The following SH3GL3 variants were observed in gnomAD, a reference collection of about 807,000 sequenced individuals.
The protein encoded by SH3GL3 is endophilin-A3.
SH3GL3 carries 33 observed loss-of-function variants against 47.7 expected under a neutral mutation model. That is an observed-to-expected ratio of 0.69 (90% CI 0.52 to 0.92). SH3GL3 has a LOEUF of 0.92. Ranked by LOEUF, SH3GL3 falls within the 40% of genes least tolerant of loss-of-function variation. The probability of loss-of-function intolerance (pLI) is 0.00; values close to 1 mark genes in which losing one functional copy is unlikely to be tolerated. For missense variants in SH3GL3, 363 were observed against 417.8 expected, an observed-to-expected ratio of 0.87 and a Z score of 1.14; for synonymous variants, 155 against 148.8, an observed-to-expected ratio of 1.04 and a Z score of -0.30.
At position 83,562,586 on chromosome 15, in the gene SH3GL3, C is replaced by G. The variant is rs186296984; in HGVS notation, c.115-2548C>G. 6.6e-4 allele frequency among the ~76,000 whole-genome samples: 101 copies of G among 152,130 alleles called. 1 individual carries two copies. The highest frequency in any genetic ancestry group is 3.4e-3 in the Middle Eastern group (1 of 294). ...CTTGTTTCCAAATTTAGTAATTTTG[C>G]TATATGATGAAAATCATTATAGTTA... is the stretch of plus-strand genomic sequence containing the variant. On this transcript the variant is annotated intron_variant, in intron 2 of 8. Transcript: ENST00000427482.
chr15:83,578,657 AT>A (rs11289922), intron 6 of SH3GL3, among the ~76,000 whole-genome samples: 80,026 of 148,528 alleles, frequency 0.54, 21,550 homozygotes, highest in Admixed American at 0.66. Flanking sequence ...TCTTCTTTTA[AT>A]TTTTTTTTTT....
intron 1 of SH3GL3, among the ~76,000 whole-genome samples, chr15:83,531,246 A>T (rs2043656582): frequency 6.6e-6 from 1 of 152,244 alleles, no homozygotes; most frequent in South Asian, 2.1e-4. Context: ...GGCATCTCAT[A>T]GGCCACTGTG....
At chr15:83,491,680 G>T (rs2041880217) in intron 1 of SH3GL3, among the ~76,000 whole-genome samples, 1 of 152,176 alleles carries the variant, frequency 6.6e-6, no homozygotes, top group East Asian at 1.9e-4. Context: ...TCAGATGTTT[G>T]TTCCAAGTCA....
chr15:83,563,597 A>AT (rs1034273260), intron 2 of SH3GL3, among the ~76,000 whole-genome samples: 3 of 151,950 alleles, frequency 2.0e-5, no homozygotes, highest in Non-Finnish European at 2.9e-5. Context: ...AGTTCTGAAT[A>AT]TTTTTTTCAA....
chr15:83,555,394 T>G (rs1025744753), intron 1 of SH3GL3, among the ~76,000 whole-genome samples: 1 of 152,194 alleles, frequency 6.6e-6, no homozygotes, highest in African/African-American at 2.4e-5. Context: ...TCGGCTCTCT[T>G]TCTTGGTGTT....
chr15:83,449,151 G>C (rs2039603524), intron 1 of SH3GL3, among the ~76,000 whole-genome samples: 1 of 152,212 alleles, frequency 6.6e-6, no homozygotes, highest in South Asian at 2.1e-4. Context: ...TAGGGACAAT[G>C]TTTAGCCCAG....
At chr15:83,571,081 G>A (rs968965341) in intron 4 of SH3GL3, among the ~76,000 whole-genome samples, 5 of 152,302 alleles carry the variant, frequency 3.3e-5, no homozygotes, top group South Asian at 4.1e-4. Flanking sequence ...AGGCTGTGCC[G>A]TTGGATGTTT....
intron 1 of SH3GL3, among the ~76,000 whole-genome samples, chr15:83,459,720 T>C (rs2040176167): frequency 1.3e-5 from 2 of 152,244 alleles, no homozygotes; most frequent in Non-Finnish European, 2.9e-5. Context: ...TCATTTAAAA[T>C]GATAATTTCA....
At chr15:83,566,365 A>AGAGAGTGTGTGT (rs1459069703) in intron 3 of SH3GL3, among the ~76,000 whole-genome samples, 10 of 136,694 alleles carry the variant, frequency 7.3e-5, no homozygotes, top group East Asian at 2.2e-4. Flanking sequence ...AGAGAGAGAG[A>AGAGAGTGTGTGT]GTGTGTGTGT....
At chr15:83,553,886 A>G (rs1261322597) in intron 1 of SH3GL3, among the ~76,000 whole-genome samples, 1 of 151,884 alleles carries the variant, frequency 6.6e-6, no homozygotes, top group East Asian at 1.9e-4. Flanking sequence ...CTCAATTTTT[A>G]TTCTCACCGT....
At chr15:83,555,773 C>A (rs2044921900) in intron 1 of SH3GL3, among the ~76,000 whole-genome samples, 1 of 152,182 alleles carries the variant, frequency 6.6e-6, no homozygotes, top group Non-Finnish European at 1.5e-5. Context: ...ACTTTTAGAT[C>A]CTTTTGTACT....
chr15:83,599,442 A>G (rs1465403131), intron 8 of SH3GL3, among the ~76,000 whole-genome samples: 3 of 152,210 alleles, frequency 2.0e-5, no homozygotes, highest in Admixed American at 2.0e-4. Flanking sequence ...GTGAGAACAC[A>G]TGATGTTTGG....
chr15:83,449,484 CT>C (rs1335446534), intron 1 of SH3GL3, among the ~76,000 whole-genome samples: 10 of 152,254 alleles, frequency 6.6e-5, no homozygotes, highest in African/African-American at 2.4e-4. Context: ...AAAACTTTTC[CT>C]TTATTGGGTA....
chr15:83,558,590 C>T (rs922466631), intron 1 of SH3GL3, among the ~76,000 whole-genome samples: 1 of 152,006 alleles, frequency 6.6e-6, no homozygotes, highest in African/African-American at 2.4e-5. Context: ...GTGCACAGGA[C>T]AGCCCCCACA....
At chr15:83,504,341 G>A (rs946530946) in intron 1 of SH3GL3, among the ~76,000 whole-genome samples, 15 of 152,178 alleles carry the variant, frequency 9.9e-5, no homozygotes, top group African/African-American at 3.6e-4. Context: ...CACAATTGTG[G>A]TAGCCAGCTT....
At chr15:83,598,849 AT>A (rs1256509645) in intron 8 of SH3GL3, among the ~76,000 whole-genome samples, 3 of 152,070 alleles carry the variant, frequency 2.0e-5, no homozygotes, top group African/African-American at 7.2e-5. Context: ...AAAATTGTCT[AT>A]TTTCCATTGT....
intron 3 of SH3GL3, among the ~76,000 whole-genome samples, chr15:83,566,365 A>AGAGTGT (rs1459069703): frequency 0.015 from 2,112 of 136,644 alleles, 33 homozygotes; most frequent in Non-Finnish European, 0.026. Flanking sequence ...AGAGAGAGAG[A>AGAGTGT]GTGTGTGTGT....
chr15:83,511,009 G>T (rs1303609174), intron 1 of SH3GL3, among the ~76,000 whole-genome samples: 5 of 151,912 alleles, frequency 3.3e-5, no homozygotes, highest in African/African-American at 1.2e-4. Context: ...GGGAGAGGGG[G>T]GCGGGATAGC....
At chr15:83,620,390 C>G (rs761929827), downstream of SH3GL3, among the ~76,000 whole-genome samples, 11 of 152,176 alleles carry the variant, frequency 7.2e-5, no homozygotes, top group Non-Finnish European at 1.2e-4. Flanking sequence ...TGTAGCCTTA[C>G]AAGATGTATT....
Sources: allele counts gnomAD v4.1 joint callset (sites outside exome capture counted in the v4.1 genomes callset), GRCh38; gene constraint gnomAD v4.1.1; transcripts MANE v1.5; gene names NCBI Gene and HGNC (gene_info 2026-07-23, HGNC 2026-07-21).